Variants in RBFOX2 observed in about 807,000 individuals in gnomAD.
The protein encoded by RBFOX2 is RNA binding fox-1 homolog 2.
RBFOX2 carries 10 observed loss-of-function variants against 49.1 expected under a neutral mutation model. The observed-to-expected ratio is 0.20, with a 90% CI of 0.13 to 0.35. RBFOX2 has a LOEUF of 0.35. RBFOX2 is among the 10% of genes least tolerant of loss of function. The pLI, the probability that RBFOX2 is intolerant of heterozygous loss-of-function variation, is 1.00. For synonymous variants in RBFOX2, 183 were observed against 187.4 expected (o/e 0.98, Z 0.19); for missense variants, 323 against 486.9 (o/e 0.66, Z 3.17).
At chr22:35,955,700 G>A (rs1297016594) in intron 1 of RBFOX2, among the ~76,000 whole-genome samples, 1 of 152,172 alleles carries the variant, frequency 6.6e-6, no homozygotes, top group Non-Finnish European at 1.5e-5. Context: ...TGATCTGATA[G>A]GATGTGGTGC....
intron 4 of RBFOX2, chr22:35,777,782 G>C: frequency 4.0e-6 from 2 of 504,280 alleles, no homozygotes; most frequent in Non-Finnish European, 6.9e-6. Flanking sequence ...TGTTCTTTAC[G>C]TCCCACTCTT....
chr22:35,930,630 G>A (rs59470071), intron 1 of RBFOX2, among the ~76,000 whole-genome samples: 11,654 of 151,798 alleles, frequency 0.077, 465 homozygotes, highest in South Asian at 0.084. Flanking sequence ...AGGAGTTCGA[G>A]ATCAGCCTGG....
chr22:35,914,913 C>T (rs1441119421), intron 1 of RBFOX2, among the ~76,000 whole-genome samples: 1 of 152,210 alleles, frequency 6.6e-6, no homozygotes, highest in Non-Finnish European at 1.5e-5. Context: ...TGACCAGATC[C>T]TTAGTAATGC....
chr22:35,830,614 C>A (rs1218826336), intron 1 of RBFOX2, among the ~76,000 whole-genome samples: 1 of 152,142 alleles, frequency 6.6e-6, no homozygotes, highest in Non-Finnish European at 1.5e-5. Context: ...ACTTGTACAG[C>A]ATGTGACTAT....
At chr22:35,853,392 T>C (rs1291149701) in intron 1 of RBFOX2, among the ~76,000 whole-genome samples, 1 of 152,028 alleles carries the variant, frequency 6.6e-6, no homozygotes, top group African/African-American at 2.4e-5. Flanking sequence ...TATGCATGCA[T>C]GTATGAATCT....
chr22:35,997,605 T>C (rs144897088), intron 1 of RBFOX2: 55 of 152,322 alleles, frequency 3.6e-4, no homozygotes, highest in African/African-American at 1.2e-3. Context: ...CTGTAAATAG[T>C]GGAAGGAACT....
At chr22:35,982,796 A>T (rs1405034068) in intron 1 of RBFOX2, among the ~76,000 whole-genome samples, 2 of 137,874 alleles carry the variant, frequency 1.5e-5, no homozygotes, top group Admixed American at 7.2e-5. Context: ...GGTATCGTTT[A>T]AAAAAAAAAA....
rs568199529 is a variant in RBFOX2, at chr22:35,837,175, T to C, written c.27+3017A>G. Reference sequence around the variant, plus strand: ...AAACAGGCCCTATAAAAGTAGAGCATATGTAATAATAAAGCGCATACACTG... The same window carrying C: ...AAACAGGCCCTATAAAAGTAGAGCACATGTAATAATAAAGCGCATACACTG... On this transcript the variant is annotated intron_variant, in intron 1 of 11. Transcript: ENST00000405409. Among the ~76,000 whole-genome samples, 4 of 152,342 alleles carry C rather than the reference T, an allele frequency of 2.6e-5. No homozygotes were observed. The South Asian group carries it at 8.3e-4, about 32-fold the overall frequency.
chr22:36,026,570 AC>A (rs2059447811), intron 1 of RBFOX2, among the ~76,000 whole-genome samples: 1 of 151,896 alleles, frequency 6.6e-6, no homozygotes, highest in African/African-American at 2.4e-5. Context: ...ACACACACAC[AC>A]ACCAAGTAGA....
intron 3 of RBFOX2, among the ~76,000 whole-genome samples, chr22:35,780,563 T>C (rs1204294407): frequency 6.6e-6 from 1 of 152,190 alleles, no homozygotes; most frequent in Non-Finnish European, 1.5e-5. Context: ...GTTGAAAGAA[T>C]ACATCAGAGG....
At chr22:35,962,687 T>G (rs1361154746), upstream of RBFOX2, among the ~76,000 whole-genome samples, 1 of 152,158 alleles carries the variant, frequency 6.6e-6, no homozygotes, top group East Asian at 1.9e-4. Flanking sequence ...ACCAGCCAAT[T>G]TGTGACTAGT....
intron 2 of RBFOX2, among the ~76,000 whole-genome samples, chr22:35,789,504 T>C (rs952232758): frequency 2.0e-5 from 3 of 152,088 alleles, no homozygotes; most frequent in African/African-American, 7.2e-5. Context: ...GATCGCACCA[T>C]TGCACTCTAG....
At chr22:36,007,823 T>A (rs1941087817) in intron 1 of RBFOX2, among the ~76,000 whole-genome samples, 2 of 152,178 alleles carry the variant, frequency 1.3e-5, no homozygotes, top group South Asian at 4.1e-4. Context: ...TTAAAGAGTG[T>A]TCTATGTTCA....
intron 1 of RBFOX2, among the ~76,000 whole-genome samples, chr22:35,918,073 A>G (rs925963751): frequency 1.3e-5 from 2 of 152,222 alleles, no homozygotes; most frequent in Non-Finnish European, 2.9e-5. Context: ...CTGACATTCA[A>G]TGGCTCAGGA....
At chr22:35,841,094 TG>T (rs1332345114), upstream of RBFOX2, among the ~76,000 whole-genome samples, 7 of 152,152 alleles carry the variant, frequency 4.6e-5, no homozygotes, top group Non-Finnish European at 1.0e-4. Flanking sequence ...CTGAAAAAGG[TG>T]TCTACAAATA....
intron 2 of RBFOX2, among the ~76,000 whole-genome samples, chr22:35,801,873 T>G (rs2147893291): frequency 6.6e-6 from 1 of 152,240 alleles, no homozygotes; most frequent in East Asian, 1.9e-4. Flanking sequence ...AAAAAGCATC[T>G]TTCAACCAGA....
intron 1 of RBFOX2, among the ~76,000 whole-genome samples, chr22:35,859,523 A>G (rs112826811): frequency 0.03 from 4,557 of 152,334 alleles, 105 homozygotes; most frequent in Non-Finnish European, 0.043. Flanking sequence ...ATAGCAAATC[A>G]TAGTTAAGTA....
At chr22:35,776,889 T>C (rs181586266) in intron 4 of RBFOX2, among the ~76,000 whole-genome samples, 2 of 152,300 alleles carry the variant, frequency 1.3e-5, no homozygotes, top group Admixed American at 1.3e-4. Context: ...TACTTTTTTT[T>C]TTTTTCACAA....
At chr22:35,850,219 CA>C (rs2041774851) in intron 1 of RBFOX2, among the ~76,000 whole-genome samples, 1 of 151,522 alleles carries the variant, frequency 6.6e-6, no homozygotes, top group Admixed American at 6.6e-5. Flanking sequence ...CACACACACA[CA>C]CACACACACA....
Sources: allele counts gnomAD v4.1 joint callset (sites outside exome capture counted in the v4.1 genomes callset), GRCh38; gene constraint gnomAD v4.1.1; transcripts MANE v1.5; gene names NCBI Gene and HGNC (gene_info 2026-07-23, HGNC 2026-07-21).